TENM4: variants seen among roughly 807,000 people sequenced by gnomAD.
TENM4 encodes the protein teneurin-4.
Under a neutral mutation model 243.3 loss-of-function variants are expected in TENM4, and 82 were observed. The observed-to-expected ratio is 0.34, with a 90% CI of 0.28 to 0.40. The LOEUF is 0.40. Ranked by LOEUF, TENM4 falls within the 10% of genes least tolerant of loss-of-function variation. The pLI is 1.00. For missense variants in TENM4, 3,138 were observed against 3,673.3 expected, an observed-to-expected ratio of 0.85 and a Z score of 3.77; for synonymous variants, 1,412 against 1,456.3, an observed-to-expected ratio of 0.97 and a Z score of 0.69.
chr11:79,293,058 A>C (rs1437035858), intron 2 of TENM4, among the ~76,000 whole-genome samples: 1 of 152,234 alleles, frequency 6.6e-6, no homozygotes, highest in East Asian at 1.9e-4. Context: ...GATGGTAAGT[A>C]CTTTATTAAT....
At chr11:78,949,152 G>C (rs1396442509) in intron 6 of TENM4, among the ~76,000 whole-genome samples, 1 of 152,088 alleles carries the variant, frequency 6.6e-6, no homozygotes, top group Non-Finnish European at 1.5e-5. Context: ...TCCTCCTCTG[G>C]TTTTAGCCTC....
Position 79,368,590 on chromosome 11 carries a change from A to C in TENM4, c.-320-71047T>G, listed in dbSNP as rs148892117. Among the ~76,000 whole-genome samples the C allele has an allele frequency of 2.4e-3, 361 of 152,340 alleles. 3 individuals are homozygous for C. Among genetic ancestry groups the C allele is most frequent in the African/African-American group, 8.5e-3 (353 of 41,574 alleles). On this transcript the variant is annotated intron_variant, in intron 1 of 33. Coordinates refer to ENST00000278550, the MANE Select transcript of TENM4 (RefSeq NM_001098816.3). Reference sequence around the variant, plus strand: ...TAGTGGTTAAAAGCACAGGTTCTGCAGGCAATCTGCCTACATTTGAACCCC... The same window carrying C: ...TAGTGGTTAAAAGCACAGGTTCTGCCGGCAATCTGCCTACATTTGAACCCC...
chr11:78,768,260 A>G (rs1856578520), intron 18 of TENM4, among the ~76,000 whole-genome samples: 2 of 152,206 alleles, frequency 1.3e-5, no homozygotes, highest in African/African-American at 2.4e-5. Context: ...ACGTTTCCTC[A>G]TTTAATAGTT....
chr11:79,147,274 A>G (rs1383502263), intron 4 of TENM4, among the ~76,000 whole-genome samples: 1 of 152,110 alleles, frequency 6.6e-6, no homozygotes, highest in African/African-American at 2.4e-5. Context: ...TAAATATTTG[A>G]TGATTTGCAG....
At chr11:78,832,393 T>G (rs969996218) in intron 12 of TENM4, among the ~76,000 whole-genome samples, 4 of 152,288 alleles carry the variant, frequency 2.6e-5, no homozygotes, top group African/African-American at 9.6e-5. Context: ...ACCTCAGACT[T>G]GCACTGCCTT....
At chr11:79,131,285 C>A (rs1033571262) in intron 4 of TENM4, among the ~76,000 whole-genome samples, 1 of 152,098 alleles carries the variant, frequency 6.6e-6, no homozygotes, top group African/African-American at 2.4e-5. Context: ...GACAGAAACA[C>A]GAGGTAACCT....
chr11:78,758,122 G>C (rs991159851), intron 18 of TENM4, among the ~76,000 whole-genome samples: 11 of 152,176 alleles, frequency 7.2e-5, no homozygotes, highest in Non-Finnish European at 1.5e-4. Context: ...TACAGTCTAT[G>C]TGCTTTGTCG....
At chr11:79,356,329 T>C (rs1857496142) in intron 1 of TENM4, among the ~76,000 whole-genome samples, 1 of 152,174 alleles carries the variant, frequency 6.6e-6, no homozygotes, top group Admixed American at 6.5e-5. Context: ...CCTCATCTAC[T>C]AAGAAGGGAT....
At chr11:79,284,477 C>T (rs1856213541) in intron 2 of TENM4, among the ~76,000 whole-genome samples, 1 of 152,134 alleles carries the variant, frequency 6.6e-6, no homozygotes, top group Admixed American at 6.6e-5. Flanking sequence ...GGAAATGATG[C>T]CAAGATAACT....
At chr11:78,699,310 C>T (rs915791303) in intron 28 of TENM4, among the ~76,000 whole-genome samples, 1 of 152,174 alleles carries the variant, frequency 6.6e-6, no homozygotes, top group Non-Finnish European at 1.5e-5. Flanking sequence ...ATGTAGGTGA[C>T]CCTAGCCAGT....
chr11:78,723,792 A>T (rs1020756295), intron 23 of TENM4, among the ~76,000 whole-genome samples: 4 of 152,134 alleles, frequency 2.6e-5, no homozygotes, highest in East Asian at 3.9e-4. Flanking sequence ...GATCATCAGG[A>T]TCTTCTCCCA....
At chr11:79,259,468 C>CCCAGCCATCTGT (rs1466473818) in intron 2 of TENM4, among the ~76,000 whole-genome samples, 2 of 152,098 alleles carry the variant, frequency 1.3e-5, no homozygotes, top group Non-Finnish European at 2.9e-5. Flanking sequence ...TCTTCATCTA[C>CCCAGCCATCTGT]CCAGCCATCT....
At chr11:79,233,867 C>T (rs116563832) in intron 2 of TENM4, among the ~76,000 whole-genome samples, 1,559 of 152,214 alleles carry the variant, frequency 0.01, 29 homozygotes, top group African/African-American at 0.036. Context: ...TTCCAATGAG[C>T]GAAAAGGAAG....
chr11:79,077,209 A>G (rs984348187), intron 4 of TENM4, among the ~76,000 whole-genome samples: 1 of 152,146 alleles, frequency 6.6e-6, no homozygotes, highest in Non-Finnish European at 1.5e-5. Context: ...AGGACAAGAC[A>G]GATGTGCTTC....
chr11:79,049,445 G>A (rs1859743217), intron 6 of TENM4, among the ~76,000 whole-genome samples: 2 of 152,224 alleles, frequency 1.3e-5, no homozygotes, highest in African/African-American at 2.4e-5. Flanking sequence ...TATACACTAG[G>A]GGGATCTGCT....
At chr11:78,769,912 T>G (rs1856612870) in intron 18 of TENM4, among the ~76,000 whole-genome samples, 1 of 152,220 alleles carries the variant, frequency 6.6e-6, no homozygotes, top group Admixed American at 6.5e-5. Flanking sequence ...CTTTTAATTC[T>G]TATGGTGCTT....
chr11:79,372,961 A>G (rs1435704690), intron 1 of TENM4, among the ~76,000 whole-genome samples: 1 of 152,190 alleles, frequency 6.6e-6, no homozygotes, highest in African/African-American at 2.4e-5. Flanking sequence ...AATAAAGTGT[A>G]TTATTGGAGC....
intron 1 of TENM4, among the ~76,000 whole-genome samples, chr11:79,415,435 G>A (rs1858792455): frequency 6.6e-6 from 1 of 152,178 alleles, no homozygotes; most frequent in Non-Finnish European, 1.5e-5. Context: ...TTATAGACAA[G>A]CATTTGGGTC....
chr11:78,984,978 T>C (rs1857885822), intron 6 of TENM4, among the ~76,000 whole-genome samples: 1 of 152,186 alleles, frequency 6.6e-6, no homozygotes, highest in South Asian at 2.1e-4. Context: ...GCTGTAGTGC[T>C]AGCATGTCAA....
Sources: gnomAD v4.1 joint callset for allele counts (sites outside exome capture counted in the v4.1 genomes callset) on GRCh38, gnomAD v4.1.1 for gene constraint, MANE v1.5 for transcripts, NCBI Gene and HGNC (gene_info 2026-07-23, HGNC 2026-07-21) for gene names.